Variants in GOLGA3 observed in about 807,000 individuals in gnomAD.
GOLGA3 encodes the protein golgin subfamily A member 3.
Under a neutral mutation model 169.4 loss-of-function variants are expected in GOLGA3, and 75 were observed. The observed-to-expected ratio is 0.44, with a 90% CI of 0.37 to 0.54. The LOEUF is 0.54. Among genes scored for constraint, GOLGA3 ranks in the 20% least tolerant of loss-of-function variants. The pLI is 0.00. For synonymous variants in GOLGA3, 824 were observed against 822.4 expected, an observed-to-expected ratio of 1.00 and a Z score of -0.03; for missense variants, 1,899 against 1,930.0, an observed-to-expected ratio of 0.98 and a Z score of 0.30.
chr12:132,823,266 A>AT (rs1437898693), intron 1 of GOLGA3, among the ~76,000 whole-genome samples: 1 of 152,248 alleles, frequency 6.6e-6, no homozygotes, highest in Non-Finnish European at 1.5e-5. Context: ...TTGGCAAGTG[A>AT]TTATCCACCC....
At chr12:132,821,370 G>C (rs1950205405) in intron 2 of GOLGA3, among the ~76,000 whole-genome samples, 1 of 150,804 alleles carries the variant, frequency 6.6e-6, no homozygotes, top group African/African-American at 2.4e-5. Context: ...TCTCGCCATT[G>C]CACTCCAGCC....
intron 4 of GOLGA3, among the ~76,000 whole-genome samples, chr12:132,809,846 C>T (rs1949615571): frequency 6.6e-6 from 1 of 152,240 alleles, no homozygotes; most frequent in Non-Finnish European, 1.5e-5. Flanking sequence ...CCCGTGTCCT[C>T]TGTCTCTTGC....
intron 8 of GOLGA3, among the ~76,000 whole-genome samples, chr12:132,798,855 C>CA (rs1948998621): frequency 6.6e-6 from 1 of 152,238 alleles, no homozygotes; most frequent in Admixed American, 6.5e-5. Flanking sequence ...TCCAGCCAGA[C>CA]ACACACCAGG....
chr12:132,796,930 T>C (rs1948869852), intron 9 of GOLGA3, among the ~76,000 whole-genome samples: 1 of 152,014 alleles, frequency 6.6e-6, no homozygotes, highest in Non-Finnish European at 1.5e-5. Context: ...GAGAAGGACT[T>C]GGACCCACTG....
chr12:132,780,989 C>A, intron 17 of GOLGA3, 75 bp from the exon 18 acceptor site: 1 of 1,043,588 alleles, frequency 9.6e-7, no homozygotes. Flanking sequence ...CAGCAGGCAA[C>A]GTGACACACG....
At chr12:132,823,170 C>T (rs915280476) in intron 1 of GOLGA3, among the ~76,000 whole-genome samples, 6 of 152,338 alleles carry the variant, frequency 3.9e-5, no homozygotes, top group South Asian at 2.1e-4. Context: ...CGGCAGGGCC[C>T]GTTCCCGTCT....
chr12:132,779,402 T>G (rs1465017597), intron 18 of GOLGA3, among the ~76,000 whole-genome samples: 1 of 152,174 alleles, frequency 6.6e-6, no homozygotes. Context: ...TAAAATTAAT[T>G]CTATTTATAA....
rs1566070071 is a variant in GOLGA3, at chr12:132,777,704, G to GTGT, written c.3681_3683dup (p.Glu1227_His1228insGln). 1 of 1,614,132 alleles carries GTGT rather than the reference G, an allele frequency of 6.2e-7. No homozygotes were observed. Among genetic ancestry groups the GTGT allele is most frequent in the African/African-American group, 1.3e-5 (1 of 75,062 alleles). On this transcript the variant is annotated inframe_insertion, in exon 19 of 24. Coordinates refer to ENST00000450791, the MANE Select transcript of GOLGA3 (RefSeq NM_001389683.1). The surrounding 1 kb of genome is among the most constrained non-coding windows in gnomAD (Gnocchi z 4.7). Reference sequence around the variant, plus strand: ...CCTCGGCCTGCAGCTTCTGCACCAGGTGTTCCTTGGCCTGCAGCTCCTTCT... The same window carrying GTGT: ...CCTCGGCCTGCAGCTTCTGCACCAGGTGTTGTTCCTTGGCCTGCAGCTCCTTCT...
At chr12:132,809,751 G>A (rs1303907393) in intron 4 of GOLGA3, among the ~76,000 whole-genome samples, 1 of 152,110 alleles carries the variant, frequency 6.6e-6, no homozygotes, top group Non-Finnish European at 1.5e-5. Flanking sequence ...ACAAACTAAT[G>A]ATTAATGATA....
intron 18 of GOLGA3, among the ~76,000 whole-genome samples, chr12:132,778,940 G>T (rs1031507958): frequency 6.6e-6 from 1 of 151,954 alleles, no homozygotes; most frequent in East Asian, 1.9e-4. Flanking sequence ...AGCACGGAGC[G>T]AAAGCTGGAG....
intron 2 of GOLGA3, 143 bp downstream of exon 2, chr12:132,821,853 C>CAAAA (rs11301977): frequency 3.3e-5 from 13 of 393,764 alleles, no homozygotes; most frequent in African/African-American, 1.8e-4. Context: ...GACTCCGTCT[C>CAAAA]AAAAAAAAAA....
intron 1 of GOLGA3, chr12:132,827,736 T>C (rs912126688): frequency 3.3e-5 from 5 of 152,146 alleles, no homozygotes; most frequent in African/African-American, 1.2e-4. Flanking sequence ...TAAAGGGTTA[T>C]AAAGCGCTAT....
chr12:132,801,033 G>A (rs1949105186), intron 8 of GOLGA3, among the ~76,000 whole-genome samples: 2 of 152,224 alleles, frequency 1.3e-5, no homozygotes, highest in Admixed American at 6.5e-5. Context: ...ATCCTAATTA[G>A]TCTAGGTGCT....
Position 132,777,903 on chromosome 12 carries a change from A to G in GOLGA3, c.3583-98T>C, listed in dbSNP as rs773764600. 18 of 1,323,392 alleles carry G rather than the reference A, an allele frequency of 1.4e-5. No individual in the cohort carries two copies. The highest frequency in any genetic ancestry group is 5.8e-5 in the African/African-American group (4 of 68,658). The allele number at this position is 1,323,392 out of a possible 1,614,324, so 82.0% of individuals were successfully genotyped here. On this transcript the variant is annotated intron_variant, in intron 18 of 23. Coordinates refer to ENST00000450791, the MANE Select transcript of GOLGA3 (RefSeq NM_001389683.1). This position sits in a 1 kb window ranked among gnomAD's most constrained non-coding sequence, Gnocchi z 4.7. The stretch of plus-strand genomic sequence containing the variant: ...GGTGAATGCACTCCCGGCCCCGTGC[A>G]TGTCCTGGCTGCCGGCGTGTGCTTC...
Position 132,769,135 on chromosome 12 carries a change from C to T in GOLGA3, c.*3970G>A, listed in dbSNP as rs1472568673. 2 of 152,268 alleles carry T rather than the reference C, an allele frequency of 1.3e-5. No individual in the cohort carries two copies. Among genetic ancestry groups the T allele is most frequent in the African/African-American group, 4.8e-5 (2 of 41,468 alleles). 9.4% of individuals were successfully genotyped at this position (152,268 alleles called of 1,614,324 possible). A position where few individuals can be genotyped will look rare whatever the true frequency, so the allele number is the denominator to read the frequency against. On this transcript the variant is annotated 3_prime_UTR_variant, in exon 24 of 24. Coordinates refer to ENST00000450791, the MANE Select transcript of GOLGA3 (RefSeq NM_001389683.1). Reference sequence around the variant, plus strand: ...TTTCCAGACCCTCTAACACATTTCCCTCCGGATCCTGTGAGAGCCTGAGAT... The same window carrying T: ...TTTCCAGACCCTCTAACACATTTCCTTCCGGATCCTGTGAGAGCCTGAGAT...
chr12:132,791,157 C>T (rs1227156877), intron 12 of GOLGA3, 59 bp downstream of exon 12: 23 of 829,246 alleles, frequency 2.8e-5, no homozygotes, highest in Middle Eastern at 3.1e-4. Context: ...GCAATTAAAC[C>T]ACAGAAAACT....
At position 132,807,967 on chromosome 12, in the gene GOLGA3, C is replaced by A. The variant is rs139987438; in HGVS notation, c.1102G>T (p.Ala368Ser). The A allele has an allele frequency of 3.1e-6, 5 of 1,613,276 alleles. No individual in the cohort carries two copies. The South Asian group carries it at 4.4e-5, about 14-fold the overall frequency. Residue 368 changes from alanine to serine, a missense_variant, in exon 5 of 24, where the codon GCA becomes TCA. Physicochemically the swap from Ala to Ser is moderately conservative, Grantham distance 99 (BLOSUM62 1). Coordinates refer to ENST00000450791, the MANE Select transcript of GOLGA3 (RefSeq NM_001389683.1). ...FPSIKDVLQAAAAEHQDQGQE... is the reference protein window; with the variant it reads ...FPSIKDVLQASAAEHQDQGQE... ...CCCTGGTCTTGGTGCTCAGCGGCTG[C>A]GGCCTGGAGGACGTCCTTAATGGAG...
At chr12:132,793,872 C>G (rs1164812916) in intron 11 of GOLGA3, among the ~76,000 whole-genome samples, 1 of 152,198 alleles carries the variant, frequency 6.6e-6, no homozygotes, top group African/African-American at 2.4e-5. Flanking sequence ...ACACATGGGG[C>G]GGCCGACTCC....
chr12:132,802,241 A>C (rs1949161661), intron 7 of GOLGA3, among the ~76,000 whole-genome samples: 1 of 152,270 alleles, frequency 6.6e-6, no homozygotes, highest in African/African-American at 2.4e-5. Context: ...ACCTCTGTTC[A>C]GTGTTTCCAT....
Sources: allele counts gnomAD v4.1 joint callset (sites outside exome capture counted in the v4.1 genomes callset), GRCh38; gene constraint gnomAD v4.1.1; non-coding constraint Gnocchi (gnomAD v3.1); transcripts MANE v1.5; gene names NCBI Gene and HGNC (gene_info 2026-07-23, HGNC 2026-07-21).